EVL: variants seen among roughly 807,000 people sequenced by gnomAD.
EVL encodes ena/VASP-like protein.
A neutral mutation model predicts 59.6 loss-of-function variants in EVL; 21 were observed. That is an observed-to-expected ratio of 0.35 (90% CI 0.25 to 0.51). The LOEUF is 0.51. Ranked by LOEUF, EVL falls within the 20% of genes least tolerant of loss-of-function variation. The pLI is 0.97. For missense variants in EVL, 462 were observed against 546.6 expected (o/e 0.85, Z 1.54); for synonymous variants, 198 against 203.5 (o/e 0.97, Z 0.23).
chr14:100,143,169 G>C (rs1202516195), intron 13 of EVL, among the ~76,000 whole-genome samples: 2 of 152,096 alleles, frequency 1.3e-5, no homozygotes, highest in East Asian at 1.9e-4. Flanking sequence ...GAGGAAGCTG[G>C]GGGGAGGCAA....
intron 1 of EVL, among the ~76,000 whole-genome samples, chr14:100,033,117 T>C (rs187164995): frequency 1.3e-4 from 20 of 152,220 alleles, no homozygotes; most frequent in African/African-American, 3.9e-4. Flanking sequence ...ATGGGAAAGA[T>C]CAGCCGGAAA....
At chr14:100,081,020 C>T (rs1333685347) in intron 1 of EVL, among the ~76,000 whole-genome samples, 1 of 152,140 alleles carries the variant, frequency 6.6e-6, no homozygotes, top group African/African-American at 2.4e-5. Context: ...CCAGTAATCC[C>T]AGCACTTCGA....
At chr14:100,036,256 A>G (rs1447233755) in intron 1 of EVL, among the ~76,000 whole-genome samples, 1 of 152,186 alleles carries the variant, frequency 6.6e-6, no homozygotes, top group African/African-American at 2.4e-5. Context: ...ACCCCAGTCC[A>G]TGGAAAAATT....
At chr14:100,051,631 T>C (rs1017697365) in intron 1 of EVL, among the ~76,000 whole-genome samples, 1 of 152,232 alleles carries the variant, frequency 6.6e-6, no homozygotes, top group Non-Finnish European at 1.5e-5. Flanking sequence ...TTTTATTCAA[T>C]CTAACAATTC....
At chr14:100,104,616 A>C (rs1886440089) in intron 3 of EVL, among the ~76,000 whole-genome samples, 1 of 152,152 alleles carries the variant, frequency 6.6e-6, no homozygotes, top group African/African-American at 2.4e-5. Flanking sequence ...AGGTTTTTAT[A>C]AACCCTGCAA....
chr14:100,097,376 C>T, intron 2 of EVL, 105 bp from the exon 3 acceptor site: 1 of 994,540 alleles, frequency 1.0e-6, no homozygotes. Flanking sequence ...CCATCCCCAT[C>T]TTCCTGTCCT....
intron 1 of EVL, among the ~76,000 whole-genome samples, chr14:100,038,043 C>T (rs1262400702): frequency 6.6e-6 from 1 of 152,172 alleles, no homozygotes; most frequent in Non-Finnish European, 1.5e-5. Context: ...CTGGAACTAG[C>T]TCTGTGGATT....
intron 3 of EVL, among the ~76,000 whole-genome samples, chr14:100,110,417 G>A (rs901925995): frequency 2.0e-5 from 3 of 152,096 alleles, no homozygotes; most frequent in Admixed American, 6.5e-5. Context: ...ACTCCTGTGT[G>A]GTGCCAGCAG....
Position 99,972,539 on chromosome 14 carries a change from CAGGTGTAGTTTCCCCTCGACT to C in EVL, c.5+483_5+503del, listed in dbSNP as rs1467863285. On this transcript the variant is annotated intron_variant, in intron 1 of 13. Coordinates refer to the EVL transcript ENST00000402714. The surrounding 1 kb of genome is among the most constrained non-coding windows in gnomAD (Gnocchi z 4.4). The stretch of plus-strand genomic sequence containing the variant: ...GCCCAGAGCCGCGTTTGGGCTTTTA[CAGGTGTAGTTTCCCCTCGACT>C]TGGAGCCCGTCAACCCCTTCGTCTC... Among the ~76,000 whole-genome samples the C allele has an allele frequency of 6.6e-6, 1 of 152,230 alleles. No individual in the cohort carries two copies. Among genetic ancestry groups the C allele is most frequent in the East Asian group, 1.9e-4 (1 of 5,184 alleles).
At chr14:100,106,578 C>T (rs1886584580) in intron 3 of EVL, 3 of 332,036 alleles carry the variant, frequency 9.0e-6, no homozygotes, top group Non-Finnish European at 1.6e-5. Context: ...TCTTTTCTCT[C>T]TCCTTTGCAG....
upstream of EVL, among the ~76,000 whole-genome samples, chr14:100,064,610 A>G (rs2061893700): frequency 6.6e-6 from 1 of 152,216 alleles, no homozygotes; most frequent in South Asian, 2.1e-4. Context: ...CCAGAGTCAA[A>G]TATGAAGACT....
chr14:100,012,102 T>G (rs2061020246), intron 1 of EVL, among the ~76,000 whole-genome samples: 1 of 152,172 alleles, frequency 6.6e-6, no homozygotes. Context: ...AGCAACTTCA[T>G]AATGGAGCCA....
chr14:100,028,550 C>T (rs1260837416), intron 1 of EVL, among the ~76,000 whole-genome samples: 11 of 152,094 alleles, frequency 7.2e-5, no homozygotes, highest in Non-Finnish European at 1.3e-4. Flanking sequence ...CGGTGGCTCA[C>T]GCCTGTAATC....
chr14:100,067,577 G>T (rs545926386), intron 1 of EVL, among the ~76,000 whole-genome samples: 1 of 152,150 alleles, frequency 6.6e-6, no homozygotes, highest in African/African-American at 2.4e-5. Context: ...CTGCCTCAGC[G>T]GGACTACAGG....
intron 3 of EVL, among the ~76,000 whole-genome samples, chr14:100,111,181 A>G (rs1886963709): frequency 8.6e-6 from 1 of 116,196 alleles, no homozygotes; most frequent in African/African-American, 3.3e-5. Context: ...TTTGTGATAG[A>G]GTCTAGCTCT....
chr14:100,062,294 A>G (rs1301225784), upstream of EVL, among the ~76,000 whole-genome samples: 3 of 152,000 alleles, frequency 2.0e-5, no homozygotes, highest in African/African-American at 7.3e-5. Flanking sequence ...TGACAGCTAC[A>G]CCATAAAGGA....
chr14:100,098,849 C>T (rs1009594213), intron 3 of EVL, among the ~76,000 whole-genome samples: 6 of 152,240 alleles, frequency 3.9e-5, no homozygotes, highest in East Asian at 1.9e-4. Flanking sequence ...CCTATAAAAT[C>T]GGGGGATATA....
rs188386511 is a variant in EVL at position 100,127,825 on chromosome 14, T to C, written c.488-694T>C. 6.6e-6 allele frequency among the ~76,000 whole-genome samples: 1 copy of C among 152,358 alleles called. No homozygotes were observed. Among genetic ancestry groups the C allele is most frequent in the Non-Finnish European group, 1.5e-5 (1 of 68,036 alleles). ...CCGTGTGCCTGCCCTTGGTAACACT[T>C]GTCAGCTTGCCACAGTCCTCCATCT... On this transcript the variant is annotated intron_variant, in intron 5 of 13. Transcript: ENST00000392920. The surrounding 1 kb of genome is among the most constrained non-coding windows in gnomAD (Gnocchi z 4.2).
chr14:100,011,420 G>T (rs2061016203), intron 1 of EVL, among the ~76,000 whole-genome samples: 1 of 152,118 alleles, frequency 6.6e-6, no homozygotes, highest in Non-Finnish European at 1.5e-5. Flanking sequence ...TAATAGAAAA[G>T]ATAACCTCAA....
Sources: gnomAD v4.1 joint callset for allele counts (sites outside exome capture counted in the v4.1 genomes callset) on GRCh38, gnomAD v4.1.1 for gene constraint, Gnocchi (gnomAD v3.1) non-coding constraint, MANE v1.5 for transcripts, NCBI Gene and HGNC (gene_info 2026-07-23, HGNC 2026-07-21) for gene names.